Variants in KCNH1 observed in about 807,000 individuals in gnomAD.
KCNH1 encodes the protein voltage-gated delayed rectifier potassium channel KCNH1.
In KCNH1, 27 loss-of-function variants were observed where a neutral mutation model predicts 69.2. That is an observed-to-expected ratio of 0.39 (90% CI 0.29 to 0.54). The LOEUF is 0.54. Ranked by LOEUF, KCNH1 falls within the 20% of genes least tolerant of loss-of-function variation. KCNH1 has a pLI of 0.68. For synonymous variants in KCNH1, 456 were observed against 487.7 expected (o/e 0.93, Z 0.86); for missense variants, 798 against 1,261.6 (o/e 0.63, Z 5.57).
At position 210,919,549 on chromosome 1, in the gene KCNH1, A is replaced by T; in HGVS notation, c.1462+91T>A. ...AAACTCTTCCTTGTTTTAAGTTATT[A>T]TTCTCCTGATCCTGCTGGCACTGTA... On this transcript the variant is annotated intron_variant, in intron 7 of 10. Coordinates refer to ENST00000271751, the MANE Select transcript of KCNH1 (RefSeq NM_172362.3). The surrounding 1 kb of genome is among the most constrained non-coding windows in gnomAD (Gnocchi z 4.2). 8.5e-7 allele frequency: 1 copy of T among 1,182,302 alleles called. No homozygotes were observed. The highest frequency in any genetic ancestry group is 1.4e-5 in the South Asian group (1 of 69,868). 73.2% of individuals were successfully genotyped at this position (1,182,302 alleles called of 1,614,324 possible).
intron 10 of KCNH1, among the ~76,000 whole-genome samples, chr1:210,744,591 C>T (rs1683106195): frequency 6.6e-6 from 1 of 152,072 alleles, no homozygotes; most frequent in Non-Finnish European, 1.5e-5. Context: ...TTGCAGTGAG[C>T]CAAAATTGTG....
At chr1:211,087,378 C>A (rs1690972530) in intron 4 of KCNH1, among the ~76,000 whole-genome samples, 1 of 151,976 alleles carries the variant, frequency 6.6e-6, no homozygotes, top group Admixed American at 6.6e-5. Flanking sequence ...CTTTGGTGAG[C>A]AATATAAAGA....
At position 210,919,761 on chromosome 1, in the gene KCNH1, A is replaced by G; in HGVS notation, c.1341T>C (p.Asn447=). Residue 447 remains asparagine (N), a synonymous_variant, in exon 7 of 11, where the codon AAT becomes AAC. Coordinates refer to ENST00000271751, the MANE Select transcript of KCNH1 (RefSeq NM_172362.3). The surrounding 1 kb of genome is among the most constrained non-coding windows in gnomAD (Gnocchi z 4.2). The part of the protein sequence containing the change: ...SGKWEGGPSK[N]SVYISSLYFT... ...AATACAACGAGGAGATGTAGACAGAATTCTTGCTGGGACCACCTTCCCACT... is the reference window on the plus strand; with the variant it reads ...AATACAACGAGGAGATGTAGACAGAGTTCTTGCTGGGACCACCTTCCCACT... 1 of 1,614,170 alleles carries G rather than the reference A, an allele frequency of 6.2e-7. No individual in the cohort carries two copies. The highest frequency in any genetic ancestry group is 8.5e-7 in the Non-Finnish European group (1 of 1,180,008).
chr1:210,852,054 T>C (rs1685718582), intron 7 of KCNH1, among the ~76,000 whole-genome samples: 1 of 152,148 alleles, frequency 6.6e-6, no homozygotes. Context: ...ATTTACAAAT[T>C]AGAAGTGTTT....
At chr1:210,882,003 G>C (rs1381039439) in intron 7 of KCNH1, among the ~76,000 whole-genome samples, 1 of 152,128 alleles carries the variant, frequency 6.6e-6, no homozygotes, top group Admixed American at 6.6e-5. Context: ...AACACCAAGA[G>C]TGAACCCTAA....
chr1:211,101,376 C>T (rs1035542196), intron 3 of KCNH1, among the ~76,000 whole-genome samples: 1 of 152,160 alleles, frequency 6.6e-6, no homozygotes, highest in Non-Finnish European at 1.5e-5. Context: ...CAAATAAGTT[C>T]AAGTTTCTTA....
At chr1:210,691,327 A>G (rs114894957) in intron 10 of KCNH1, among the ~76,000 whole-genome samples, 2,579 of 152,322 alleles carry the variant, frequency 0.017, 35 homozygotes, top group Middle Eastern at 0.031. Flanking sequence ...AGGAGCTGAC[A>G]CTGATGGAGA....
At chr1:210,732,989 C>G (rs559620832) in intron 10 of KCNH1, among the ~76,000 whole-genome samples, 6 of 152,324 alleles carry the variant, frequency 3.9e-5, no homozygotes, top group African/African-American at 1.4e-4. Context: ...GCCCAGGGCA[C>G]AGCAGCTCTC....
rs114679524 is a variant in KCNH1 at position 210,894,895 on chromosome 1, C to T, written c.1462+24745G>A. 7.5e-3 allele frequency among the ~76,000 whole-genome samples: 1,149 copies of T among 152,254 alleles called. 19 individuals carry two copies. The highest frequency in any genetic ancestry group is 0.027 in the African/African-American group (1,103 of 41,550). On this transcript the variant is annotated intron_variant, in intron 7 of 10. Transcript: ENST00000271751. The stretch of plus-strand genomic sequence containing the variant: ...TCTGTGTGGTATTCTGTTTTAGTAG[C>T]AGAAAACAGGCCAAGACAATACTCT...
intron 5 of KCNH1, 143 bp downstream of exon 5, chr1:211,082,637 T>C: frequency 1.5e-6 from 1 of 683,096 alleles, no homozygotes; most frequent in East Asian, 2.5e-5. Flanking sequence ...TATCATACAC[T>C]GTGGTGTGTA....
At chr1:210,904,607 AT>A (rs1366825326) in intron 7 of KCNH1, among the ~76,000 whole-genome samples, 4 of 152,168 alleles carry the variant, frequency 2.6e-5, no homozygotes, top group Admixed American at 6.5e-5. Context: ...CTCTGAACCA[AT>A]TTTGGAAGCG....
intron 7 of KCNH1, among the ~76,000 whole-genome samples, chr1:210,828,538 G>A (rs548151620): frequency 2.0e-4 from 31 of 152,014 alleles, no homozygotes; most frequent in Non-Finnish European, 4.0e-4. Flanking sequence ...CAGATTACAA[G>A]CTCCAGGTAA....
intron 7 of KCNH1, among the ~76,000 whole-genome samples, chr1:210,889,450 A>G (rs1686696748): frequency 1.3e-5 from 2 of 152,248 alleles, no homozygotes; most frequent in South Asian, 4.1e-4. Context: ...CCAATGTCCT[A>G]CTGAATGGGC....
intron 6 of KCNH1, among the ~76,000 whole-genome samples, chr1:210,922,657 A>G (rs1293547372): frequency 6.6e-6 from 1 of 152,126 alleles, no homozygotes; most frequent in Non-Finnish European, 1.5e-5. Context: ...CCCACTATGT[A>G]AAAAGGGCTG....
At chr1:210,764,025 A>C (rs12137464) in intron 10 of KCNH1, among the ~76,000 whole-genome samples, 20,953 of 152,182 alleles carry the variant, frequency 0.14, 1,500 homozygotes, top group Non-Finnish European at 0.16. Flanking sequence ...AAACAGATGA[A>C]TACACCAATG....
chr1:211,003,537 G>T (rs1436912674), intron 6 of KCNH1, among the ~76,000 whole-genome samples: 2 of 152,004 alleles, frequency 1.3e-5, no homozygotes, highest in Non-Finnish European at 2.9e-5. Flanking sequence ...ATCCCCTGCT[G>T]TTTCGTTATA....
At chr1:210,780,512 G>A (rs944126958) in intron 9 of KCNH1, among the ~76,000 whole-genome samples, 36 of 152,190 alleles carry the variant, frequency 2.4e-4, no homozygotes, top group African/African-American at 7.7e-4. Flanking sequence ...AGCAGATGCA[G>A]TGGGGGAAGG....
At chr1:211,067,155 C>A (rs1690547902) in intron 5 of KCNH1, among the ~76,000 whole-genome samples, 1 of 152,236 alleles carries the variant, frequency 6.6e-6, no homozygotes, top group Non-Finnish European at 1.5e-5. Context: ...GGAAGCCACA[C>A]AGCAAATCCT....
Position 210,806,029 on chromosome 1 carries a change from T to C in KCNH1, c.1463-1863A>G, listed in dbSNP as rs531712842. 2.6e-5 allele frequency among the ~76,000 whole-genome samples: 4 copies of C among 152,354 alleles called. No individual in the cohort carries two copies. In the East Asian group the frequency reaches 7.7e-4, roughly 29 times the overall value. ...TCTGCTTTTTGGCTATTACAAACATTCATGTGCAAGTTTTTATGTGAACAT... is the reference window on the plus strand; with the variant it reads ...TCTGCTTTTTGGCTATTACAAACATCCATGTGCAAGTTTTTATGTGAACAT... On this transcript the variant is annotated intron_variant, in intron 7 of 10. Transcript: ENST00000271751.
Sources: allele counts gnomAD v4.1 joint callset (sites outside exome capture counted in the v4.1 genomes callset), GRCh38; gene constraint gnomAD v4.1.1; non-coding constraint Gnocchi (gnomAD v3.1); transcripts MANE v1.5; gene names NCBI Gene and HGNC (gene_info 2026-07-23, HGNC 2026-07-21).